COQ5: variants seen among roughly 807,000 people sequenced by gnomAD.
COQ5 encodes the protein coenzyme Q5, methyltransferase, also known as 2-methoxy-6-polyprenyl-1,4-benzoquinol methylase, mitochondrial.
A neutral mutation model predicts 40.5 loss-of-function variants in COQ5; 27 were observed. The observed-to-expected ratio is 0.67, with a 90% CI of 0.49 to 0.92. The LOEUF is 0.92. Among genes scored for constraint, COQ5 ranks in the 40% least tolerant of loss-of-function variants. The pLI is 0.00. For missense variants in COQ5, 409 were observed against 406.4 expected, an observed-to-expected ratio of 1.01 and a Z score of -0.06; for synonymous variants, 141 against 150.0, an observed-to-expected ratio of 0.94 and a Z score of 0.44.
At chr12:120,513,812 G>A (rs1323004391) in intron 3 of COQ5, among the ~76,000 whole-genome samples, 3 of 151,916 alleles carry the variant, frequency 2.0e-5, no homozygotes, top group African/African-American at 4.8e-5. Context: ...AAGCTACTGC[G>A]CCCGACCACA....
intron 1 of COQ5, 171 bp from the exon 2 acceptor site, chr12:120,522,534 A>ATTTT: frequency 1.6e-6 from 1 of 634,624 alleles, no homozygotes; most frequent in Middle Eastern, 4.3e-4. Flanking sequence ...CTCTTTATTG[A>ATTTT]TTTATTTTTT....
chr12:120,514,745 A>AAACAATAAC (rs1555222904), intron 3 of COQ5, among the ~76,000 whole-genome samples: 1 of 147,818 alleles, frequency 6.8e-6, no homozygotes, highest in Non-Finnish European at 1.5e-5. Flanking sequence ...TCTGTCTCAG[A>AAACAATAAC]AACAACAACA....
intron 3 of COQ5, 146 bp downstream of exon 3, chr12:120,516,421 A>G: frequency 1.3e-6 from 1 of 770,284 alleles, no homozygotes; most frequent in Non-Finnish European, 2.3e-6. Context: ...CACACAAACT[A>G]GATTCAGCCA....
chr12:120,520,418 T>A (rs1396710654), intron 2 of COQ5, among the ~76,000 whole-genome samples: 1 of 152,012 alleles, frequency 6.6e-6, no homozygotes, highest in East Asian at 1.9e-4. Flanking sequence ...CTCGGCCTCC[T>A]GGGTTCAAGC....
rs1350181344 is a variant in COQ5 at position 120,529,131 on chromosome 12, G to A, written c.11C>T (p.Pro4Leu). 8 of 1,613,574 alleles carry A rather than the reference G, an allele frequency of 5.0e-6. No individual in the cohort carries two copies. The highest frequency in any genetic ancestry group is 4.5e-5 in the East Asian group (2 of 44,864). Residue 4 changes from proline (P) to leucine (L), a missense_variant, in exon 1 of 7, where the codon CCC (proline) becomes CTC (leucine). Physicochemically the swap from Pro to Leu is moderately conservative, Grantham distance 98 (BLOSUM62 -3). Coordinates refer to ENST00000288532, the MANE Select transcript of COQ5 (RefSeq NM_032314.4). Reference sequence around the variant, plus strand: ...ATAGCTCCATAGAGCACAGCTCCCGGGGGCCGCCATCTTGGTAGTCGAGTG... The same window carrying A: ...ATAGCTCCATAGAGCACAGCTCCCGAGGGCCGCCATCTTGGTAGTCGAGTG... MAA[P>L]GSCALWSYCG... is the part of the protein sequence containing the mutation.
chr12:120,527,563 C>T (rs1870007949), intron 1 of COQ5, among the ~76,000 whole-genome samples: 1 of 152,120 alleles, frequency 6.6e-6, no homozygotes, highest in East Asian at 1.9e-4. Context: ...CTGTGCACAG[C>T]GAGGACTGTC....
Position 120,522,427 on chromosome 12 carries a change from A to C in COQ5, c.203-64T>G. 3 of 1,545,544 alleles carry C rather than the reference A, an allele frequency of 1.9e-6. No homozygotes were observed. The South Asian group carries it at 3.4e-5, about 17-fold the overall frequency. On this transcript the variant is annotated intron_variant, in intron 1 of 6. Coordinates refer to ENST00000288532, the MANE Select transcript of COQ5 (RefSeq NM_032314.4). ...GAATTCCCTTAGAAAAATCCTAAACAAAAAAGGAGGAAGCTTTTTTCCCCT... is the reference window on the plus strand; with the variant it reads ...GAATTCCCTTAGAAAAATCCTAAACCAAAAAGGAGGAAGCTTTTTTCCCCT...
intron 2 of COQ5, among the ~76,000 whole-genome samples, chr12:120,521,065 T>G (rs1010480231): frequency 1.1e-4 from 11 of 97,720 alleles, no homozygotes; most frequent in African/African-American, 3.5e-4. Flanking sequence ...TAATCCTGCG[T>G]TTTTTTTTTT....
At chr12:120,514,781 C>A (rs993025523) in intron 3 of COQ5, among the ~76,000 whole-genome samples, 2 of 151,270 alleles carry the variant, frequency 1.3e-5, no homozygotes, top group Non-Finnish European at 2.9e-5. Context: ...ACAACAACAA[C>A]AAAAACTGGG....
intron 3 of COQ5, among the ~76,000 whole-genome samples, chr12:120,510,881 A>G (rs1042805492): frequency 2.0e-5 from 3 of 152,170 alleles, no homozygotes; most frequent in Non-Finnish European, 4.4e-5. Context: ...ACAGCGAATT[A>G]GATGTAAAAT....
At chr12:120,519,068 C>T (rs1295606577) in intron 2 of COQ5, among the ~76,000 whole-genome samples, 1 of 152,114 alleles carries the variant, frequency 6.6e-6, no homozygotes, top group Non-Finnish European at 1.5e-5. Context: ...GCAACCTTTC[C>T]ATCATTACTT....
At chr12:120,518,657 C>T (rs1869504175) in intron 2 of COQ5, among the ~76,000 whole-genome samples, 1 of 151,942 alleles carries the variant, frequency 6.6e-6, no homozygotes, top group African/African-American at 2.4e-5. Context: ...CTCCGCTTCC[C>T]AGGTTAAAGC....
At chr12:120,528,917 A>G in intron 1 of COQ5, 23 bp downstream of exon 1, 1 of 1,609,506 alleles carries the variant, frequency 6.2e-7, no homozygotes, top group Non-Finnish European at 8.5e-7. Flanking sequence ...GATCCCTCCC[A>G]TCCGCCCTCT....
intron 2 of COQ5, among the ~76,000 whole-genome samples, chr12:120,517,665 G>C (rs1869442995): frequency 6.6e-6 from 1 of 150,680 alleles, no homozygotes; most frequent in African/African-American, 2.4e-5. Flanking sequence ...CTGGGCGACA[G>C]AGCAAGACTA....
intron 1 of COQ5, chr12:120,522,956 T>C (rs879220704): frequency 1.6e-6 from 1 of 609,996 alleles, no homozygotes; most frequent in Non-Finnish European, 2.9e-6. Flanking sequence ...GCATCTTTTT[T>C]AGGCCTTTCT....
chr12:120,518,888 G>A (rs1464849899), intron 2 of COQ5, among the ~76,000 whole-genome samples: 1 of 152,120 alleles, frequency 6.6e-6, no homozygotes, highest in African/African-American at 2.4e-5. Context: ...TAATTATTTT[G>A]TGCATCTTCT....
chr12:120,509,855 G>A lies in COQ5; in HGVS notation c.681+162C>T, dbSNP rs7138631. 1.7e-5 allele frequency: 11 copies of A among 653,896 alleles called. No homozygotes were observed. The African/African-American group carries it at 1.8e-4, about 11-fold the overall frequency. 40.5% of individuals were successfully genotyped at this position (653,896 alleles called of 1,614,324 possible). A position where few individuals can be genotyped will look rare whatever the true frequency, so the allele number is the denominator to read the frequency against. On this transcript the variant is annotated intron_variant, in intron 4 of 6. Transcript: ENST00000288532. ...AATCCCAGCTACTTGGGAGGCAGAT[G>A]TGGAAGGACTGCTTGAGCCCAGGAG... is the stretch of plus-strand genomic sequence containing the variant.
intron 4 of COQ5, among the ~76,000 whole-genome samples, chr12:120,507,399 C>T (rs533489357): frequency 1.3e-5 from 2 of 151,624 alleles, no homozygotes; most frequent in Admixed American, 6.6e-5. Flanking sequence ...ATTCTTCTCC[C>T]TCAGCCTCCC....
intron 4 of COQ5, among the ~76,000 whole-genome samples, chr12:120,507,748 A>G (rs979968528): frequency 9.4e-5 from 14 of 148,406 alleles, no homozygotes; most frequent in Non-Finnish European, 1.5e-4. Context: ...TTAGTCGGGC[A>G]TGGTGGTGCA....
Sources: gnomAD v4.1 joint callset for allele counts (sites outside exome capture counted in the v4.1 genomes callset) on GRCh38, gnomAD v4.1.1 for gene constraint, MANE v1.5 for transcripts, NCBI Gene and HGNC (gene_info 2026-07-23, HGNC 2026-07-21) for gene names.